Variants in GPC6 observed in about 807,000 individuals in gnomAD.
The protein encoded by GPC6 is glypican-6.
In GPC6, 14 loss-of-function variants were observed where a neutral mutation model predicts 55.2. The ratio of observed to expected loss-of-function variants is 0.25; its 90% CI spans 0.17 to 0.40. The LOEUF is 0.40. Among genes scored for constraint, GPC6 ranks in the 10% least tolerant of loss-of-function variants. GPC6 has a pLI of 1.00. For synonymous variants in GPC6, 278 were observed against 259.6 expected, an observed-to-expected ratio of 1.07 and a Z score of -0.68; for missense variants, 641 against 708.5, an observed-to-expected ratio of 0.90 and a Z score of 1.08.
intron 2 of GPC6, among the ~76,000 whole-genome samples, chr13:93,707,869 G>A (rs879276280): frequency 2.6e-5 from 4 of 151,566 alleles, no homozygotes; most frequent in Admixed American, 2.6e-4. Flanking sequence ...TCACACTTTT[G>A]CCACCTTCGG....
At chr13:93,780,286 A>C (rs1055547146) in intron 2 of GPC6, among the ~76,000 whole-genome samples, 15 of 148,712 alleles carry the variant, frequency 1.0e-4, no homozygotes, top group East Asian at 3.9e-4. Flanking sequence ...AAAAAAAAAC[A>C]CATTGTTTTC....
intron 7 of GPC6, among the ~76,000 whole-genome samples, 199 bp downstream of exon 7, chr13:94,382,749 G>C (rs574638864): frequency 1.3e-5 from 2 of 152,190 alleles, no homozygotes; most frequent in Admixed American, 1.3e-4. Flanking sequence ...GCCATTAAGC[G>C]TGGAATCCTC....
intron 2 of GPC6, among the ~76,000 whole-genome samples, chr13:93,812,891 CT>C (rs1157381416): frequency 6.6e-6 from 1 of 152,090 alleles, no homozygotes; most frequent in Non-Finnish European, 1.5e-5. Flanking sequence ...GTCAAGAGTA[CT>C]GGTATATGCC....
At chr13:93,666,509 A>C (rs1881142800) in intron 2 of GPC6, among the ~76,000 whole-genome samples, 3 of 152,294 alleles carry the variant, frequency 2.0e-5, no homozygotes, top group South Asian at 4.1e-4. Context: ...TTTGTCCTTC[A>C]GTGTTGTAAT....
chr13:94,141,995 T>A (rs1887394879), intron 4 of GPC6, among the ~76,000 whole-genome samples: 1 of 152,106 alleles, frequency 6.6e-6, no homozygotes, highest in South Asian at 2.1e-4. Flanking sequence ...CTTTTTTTTT[T>A]CCGTGTGTGT....
At chr13:93,925,061 T>C (rs1877781764) in intron 3 of GPC6, among the ~76,000 whole-genome samples, 1 of 152,176 alleles carries the variant, frequency 6.6e-6, no homozygotes, top group African/African-American at 2.4e-5. Context: ...ATTACACAAA[T>C]ATTACACACA....
At position 93,486,846 on chromosome 13, in the gene GPC6, G is replaced by A. The variant is rs147720966; in HGVS notation, c.161-58417G>A. Among the ~76,000 whole-genome samples, 13 of 152,000 alleles carry A rather than the reference G, an allele frequency of 8.6e-5. 1 individual carries two copies. In the East Asian group the frequency reaches 2.5e-3, roughly 29 times the overall value. On this transcript the variant is annotated intron_variant, in intron 1 of 8. Coordinates refer to ENST00000377047, the MANE Select transcript of GPC6 (RefSeq NM_005708.5). ...TGTAATCCCAGCTATTTGGGAGCCTGAGGCAGGAGAATAGCTTGAACCAGG... is the reference window on the plus strand; with the variant it reads ...TGTAATCCCAGCTATTTGGGAGCCTAAGGCAGGAGAATAGCTTGAACCAGG...
chr13:93,553,972 T>A (rs1347469798), intron 2 of GPC6, among the ~76,000 whole-genome samples: 3 of 134,138 alleles, frequency 2.2e-5, no homozygotes, highest in African/African-American at 5.7e-5. Flanking sequence ...CCGTCTCTAC[T>A]AAAAAAAAAA....
chr13:93,985,129 G>T (rs1172627829), intron 3 of GPC6, among the ~76,000 whole-genome samples: 1 of 151,948 alleles, frequency 6.6e-6, no homozygotes, highest in Non-Finnish European at 1.5e-5. Context: ...CATCTTTCCA[G>T]CCAGAAGTAA....
At chr13:93,565,130 A>G (rs1259933753) in intron 2 of GPC6, among the ~76,000 whole-genome samples, 4 of 152,070 alleles carry the variant, frequency 2.6e-5, no homozygotes, top group Admixed American at 2.6e-4. Flanking sequence ...CTTGCCCCCA[A>G]CTTCACAGAC....
rs4566021 is a variant in GPC6 at position 94,382,877 on chromosome 13, A to T, written c.1289+327A>T. Among the ~76,000 whole-genome samples the T allele has an allele frequency of 0.19, 29,246 of 152,176 alleles. 3,139 individuals carry two copies. Among genetic ancestry groups the T allele is most frequent in the East Asian group, 0.29 (1,504 of 5,170 alleles). On this transcript the variant is annotated intron_variant, in intron 7 of 8. Coordinates refer to ENST00000377047, the MANE Select transcript of GPC6 (RefSeq NM_005708.5). ...TCACTTAATGGCTTTAAGATACTGA[A>T]GTTATTTTTATCCATAGTTAAATTT... is the stretch of plus-strand genomic sequence containing the variant.
At position 93,452,118 on chromosome 13, in the gene GPC6, TG is replaced by T. The variant is rs1594179023; in HGVS notation, c.161-93143del. On this transcript the variant is annotated intron_variant, in intron 1 of 8. Transcript: ENST00000377047. The stretch of plus-strand genomic sequence containing the variant: ...TAGTGAGGTGATGCTATGTGCTACA[TG>T]GTAGCTGTTATAGCTGAAATTGGTT... 2.0e-5 allele frequency among the ~76,000 whole-genome samples: 3 copies of T among 152,230 alleles called. No homozygotes were observed. In the East Asian group the frequency reaches 5.8e-4, roughly 29 times the overall value.
chr13:94,387,420 C>T (rs1476419394), intron 7 of GPC6, among the ~76,000 whole-genome samples: 1 of 152,146 alleles, frequency 6.6e-6, no homozygotes, highest in African/African-American at 2.4e-5. Flanking sequence ...GAATGTCTTC[C>T]CTGCTTCCTC....
At chr13:94,055,483 G>A (rs1002378651) in intron 4 of GPC6, among the ~76,000 whole-genome samples, 6 of 152,000 alleles carry the variant, frequency 3.9e-5, no homozygotes, top group African/African-American at 7.2e-5. Context: ...AAAATGAAAC[G>A]TGATTATTTT....
At chr13:93,800,642 G>T (rs1377095173) in intron 2 of GPC6, among the ~76,000 whole-genome samples, 1 of 152,142 alleles carries the variant, frequency 6.6e-6, no homozygotes, top group African/African-American at 2.4e-5. Context: ...ATGTGAACTG[G>T]AATTGTGTGA....
intron 2 of GPC6, among the ~76,000 whole-genome samples, chr13:93,670,923 C>A (rs945032707): frequency 6.6e-6 from 1 of 152,170 alleles, no homozygotes; most frequent in African/African-American, 2.4e-5. Flanking sequence ...AGAAACCATT[C>A]CCTTTCATTC....
At chr13:94,310,480 T>C (rs1232549548) in intron 6 of GPC6, among the ~76,000 whole-genome samples, 1 of 152,240 alleles carries the variant, frequency 6.6e-6, no homozygotes, top group Non-Finnish European at 1.5e-5. Flanking sequence ...TGTGCTATTA[T>C]GTATAGAATA....
chr13:94,113,860 A>G (rs1221377798), intron 4 of GPC6, among the ~76,000 whole-genome samples: 1 of 151,564 alleles, frequency 6.6e-6, no homozygotes, highest in African/African-American at 2.4e-5. Context: ...GTCTCTACTA[A>G]AAAATACAAA....
At chr13:93,366,947 C>T (rs1393384532) in intron 1 of GPC6, among the ~76,000 whole-genome samples, 2 of 152,056 alleles carry the variant, frequency 1.3e-5, no homozygotes, top group Non-Finnish European at 2.9e-5. Flanking sequence ...TTCAATTATT[C>T]ATTCAGCAAA....
Sources: gnomAD v4.1 joint callset for allele counts (sites outside exome capture counted in the v4.1 genomes callset) on GRCh38, gnomAD v4.1.1 for gene constraint, MANE v1.5 for transcripts, NCBI Gene and HGNC (gene_info 2026-07-23, HGNC 2026-07-21) for gene names.